The following NRG3 variants were observed in gnomAD, a reference collection of about 807,000 sequenced individuals.
The protein encoded by NRG3 is pro-neuregulin-3, membrane-bound isoform.
In NRG3, 31 loss-of-function variants were observed where a neutral mutation model predicts 66.9. That is an observed-to-expected ratio of 0.46 (90% CI 0.35 to 0.63). The LOEUF is 0.63. Among genes scored for constraint, NRG3 ranks in the 20% least tolerant of loss-of-function variants. The pLI is 0.00. For synonymous variants in NRG3, 393 were observed against 359.4 expected (o/e 1.09, Z -1.06); for missense variants, 910 against 878.9 (o/e 1.04, Z -0.45).
intron 2 of NRG3, among the ~76,000 whole-genome samples, chr10:82,612,321 C>G (rs1368388967): frequency 2.0e-5 from 3 of 151,898 alleles, no homozygotes; most frequent in African/African-American, 7.3e-5. Context: ...TCATTCATTC[C>G]TTGATTTCCT....
At chr10:82,847,741 T>C (rs895949468) in intron 3 of NRG3, among the ~76,000 whole-genome samples, 1 of 152,176 alleles carries the variant, frequency 6.6e-6, no homozygotes, top group Non-Finnish European at 1.5e-5. Context: ...TTCAACACTT[T>C]TGCATTCCCA....
At chr10:82,737,969 A>C (rs2058236141) in intron 2 of NRG3, among the ~76,000 whole-genome samples, 1 of 152,086 alleles carries the variant, frequency 6.6e-6, no homozygotes, top group Non-Finnish European at 1.5e-5. Context: ...AAAAATAGAG[A>C]GAGAAAAAAT....
chr10:82,233,321 C>T (rs1292101973), intron 1 of NRG3, among the ~76,000 whole-genome samples: 1 of 152,070 alleles, frequency 6.6e-6, no homozygotes, highest in Non-Finnish European at 1.5e-5. Context: ...CCCAAGATGG[C>T]GCCACTGCAC....
intron 1 of NRG3, among the ~76,000 whole-genome samples, chr10:82,296,708 TG>T (rs1167583868): frequency 1.3e-5 from 2 of 149,694 alleles, no homozygotes; most frequent in Admixed American, 6.6e-5. Context: ...TACAATACAT[TG>T]TTGTTAACTA....
chr10:82,952,139 A>G (rs1592070457), intron 5 of NRG3, among the ~76,000 whole-genome samples: 1 of 152,138 alleles, frequency 6.6e-6, no homozygotes, highest in Non-Finnish European at 1.5e-5. Flanking sequence ...ATGTTTGACT[A>G]GAAATAGATG....
intron 1 of NRG3, among the ~76,000 whole-genome samples, chr10:81,899,886 A>G (rs1843868452): frequency 6.6e-6 from 1 of 152,226 alleles, no homozygotes; most frequent in Admixed American, 6.5e-5. Flanking sequence ...TCTGGTTCCC[A>G]AAAACAAATA....
intron 1 of NRG3, among the ~76,000 whole-genome samples, chr10:82,218,872 A>G (rs1186255160): frequency 2.0e-5 from 3 of 152,154 alleles, no homozygotes; most frequent in Admixed American, 6.6e-5. Context: ...TAGACGAAGG[A>G]TAGATGAGCT....
At chr10:82,336,030 C>G (rs1183997998) in intron 1 of NRG3, among the ~76,000 whole-genome samples, 2 of 152,132 alleles carry the variant, frequency 1.3e-5, no homozygotes, top group Non-Finnish European at 2.9e-5. Context: ...AATGCATAAA[C>G]AGATGAGCTC....
chr10:82,352,884 GTT>G (rs200054765), intron 1 of NRG3, among the ~76,000 whole-genome samples: 30,587 of 138,472 alleles, frequency 0.22, 3,975 homozygotes, highest in African/African-American at 0.38. Context: ...TTGCTATGTG[GTT>G]TTTTTTTTTT....
At chr10:82,078,100 A>C (rs2065189082) in intron 1 of NRG3, among the ~76,000 whole-genome samples, 1 of 151,852 alleles carries the variant, frequency 6.6e-6, no homozygotes, top group Non-Finnish European at 1.5e-5. Context: ...TCTAAATACA[A>C]AAAAAAAGTT....
intron 2 of NRG3, among the ~76,000 whole-genome samples, chr10:82,555,534 T>A (rs576658554): frequency 3.9e-5 from 6 of 152,338 alleles, no homozygotes; most frequent in African/African-American, 1.2e-4. Context: ...AAGGGAAGAC[T>A]TTGTATTTCA....
chr10:82,318,085 A>G (rs1364807646), intron 1 of NRG3, among the ~76,000 whole-genome samples: 1 of 152,178 alleles, frequency 6.6e-6, no homozygotes, highest in Non-Finnish European at 1.5e-5. Flanking sequence ...AGGGGGTGAT[A>G]GTACCTGTAA....
chr10:82,634,333 A>G (rs1367518831), intron 2 of NRG3, among the ~76,000 whole-genome samples: 2 of 152,160 alleles, frequency 1.3e-5, no homozygotes, highest in Non-Finnish European at 2.9e-5. Context: ...ATGTACATGT[A>G]CACATGTGTT....
intron 1 of NRG3, among the ~76,000 whole-genome samples, chr10:81,897,246 G>A (rs1377335275): frequency 6.6e-6 from 1 of 152,124 alleles, no homozygotes; most frequent in African/African-American, 2.4e-5. Flanking sequence ...GGCACATAAG[G>A]AACTTGGACT....
chr10:81,941,355 G>C (rs1388982903), intron 1 of NRG3, among the ~76,000 whole-genome samples: 1 of 151,946 alleles, frequency 6.6e-6, no homozygotes, highest in Non-Finnish European at 1.5e-5. Flanking sequence ...ATTTCAGTAA[G>C]ATAATTTTGT....
intron 2 of NRG3, among the ~76,000 whole-genome samples, chr10:82,705,707 A>G (rs1415479385): frequency 6.6e-6 from 1 of 152,162 alleles, no homozygotes; most frequent in Admixed American, 6.6e-5. Flanking sequence ...TACCATCTAC[A>G]TGAAGGAGGA....
At chr10:82,209,215 G>T (rs1005768545) in intron 1 of NRG3, among the ~76,000 whole-genome samples, 2 of 152,144 alleles carry the variant, frequency 1.3e-5, no homozygotes, top group African/African-American at 2.4e-5. Flanking sequence ...TTCAGCAGCA[G>T]CAGTAAAATG....
At chr10:82,781,009 G>C (rs1197064464) in intron 3 of NRG3, among the ~76,000 whole-genome samples, 2 of 152,162 alleles carry the variant, frequency 1.3e-5, no homozygotes, top group Non-Finnish European at 2.9e-5. Flanking sequence ...GAAGGGTCCT[G>C]CCTGAGCTGC....
chr10:82,812,825 A>G (rs979687791), intron 3 of NRG3, among the ~76,000 whole-genome samples: 4 of 152,218 alleles, frequency 2.6e-5, no homozygotes, highest in African/African-American at 9.6e-5. Flanking sequence ...CAAAAGTTAG[A>G]TGTTTTATTC....
Sources: allele counts gnomAD v4.1 joint callset (sites outside exome capture counted in the v4.1 genomes callset), GRCh38; gene constraint gnomAD v4.1.1; transcripts MANE v1.5; gene names NCBI Gene and HGNC (gene_info 2026-07-23, HGNC 2026-07-21).